WDPCP: variants seen among roughly 807,000 people sequenced by gnomAD.
WDPCP encodes the protein WD repeat containing planar cell polarity effector.
In WDPCP, 71 loss-of-function variants were observed where a neutral mutation model predicts 93.1. That is an observed-to-expected ratio of 0.76 (90% confidence interval 0.63 to 0.93). The LOEUF (loss-of-function observed/expected upper bound fraction) is 0.93. Among genes scored for constraint, WDPCP ranks in the 40% least tolerant of loss-of-function variants. The pLI, the probability that WDPCP is intolerant of heterozygous loss-of-function variation, is 0.00. For synonymous variants in WDPCP, 315 were observed against 315.0 expected (o/e 1.00, Z 0.00); for missense variants, 844 against 887.4 (o/e 0.95, Z 0.62).
chr2:63,247,829 T>C (rs1680409332), intron 14 of WDPCP, among the ~76,000 whole-genome samples: 1 of 152,088 alleles, frequency 6.6e-6, no homozygotes. Context: ...TTTTTACATA[T>C]AGGCTTTTTG....
chr2:63,303,532 G>A (rs1168798996), intron 13 of WDPCP, among the ~76,000 whole-genome samples: 1 of 152,164 alleles, frequency 6.6e-6, no homozygotes, highest in Non-Finnish European at 1.5e-5. Flanking sequence ...TGGGGCTGCA[G>A]TTTCTAAGCT....
chr2:63,266,733 G>C (rs114574299), intron 13 of WDPCP, among the ~76,000 whole-genome samples: 7 of 152,220 alleles, frequency 4.6e-5, no homozygotes, highest in African/African-American at 1.7e-4. Context: ...TTGAACTCGG[G>C]GGGTGGAGGC....
chr2:63,282,972 G>A (rs962041076), intron 13 of WDPCP, among the ~76,000 whole-genome samples: 5 of 151,984 alleles, frequency 3.3e-5, no homozygotes, highest in Non-Finnish European at 7.4e-5. Flanking sequence ...TCAACATAGC[G>A]TTTGGCTTGG....
intron 6 of WDPCP, among the ~76,000 whole-genome samples, chr2:63,482,729 G>A (rs1037771946): frequency 6.6e-6 from 1 of 151,958 alleles, no homozygotes. Context: ...TGTGGGCAGG[G>A]TGGAGGTGAA....
chr2:63,521,580 A>C (rs766582526), intron 1 of WDPCP, among the ~76,000 whole-genome samples: 7 of 152,214 alleles, frequency 4.6e-5, no homozygotes, highest in Non-Finnish European at 7.3e-5. Context: ...TAATACTGGG[A>C]GACTTCAACA....
intron 6 of WDPCP, among the ~76,000 whole-genome samples, chr2:63,467,583 C>T (rs1425389367): frequency 6.6e-6 from 1 of 151,848 alleles, no homozygotes; most frequent in South Asian, 2.1e-4. Flanking sequence ...TCAAGACCAC[C>T]CTGGCCAATA....
At chr2:63,473,426 A>G (rs1370620250) in intron 6 of WDPCP, among the ~76,000 whole-genome samples, 1 of 152,132 alleles carries the variant, frequency 6.6e-6, no homozygotes, top group Non-Finnish European at 1.5e-5. Flanking sequence ...TCTCCCAAAA[A>G]TTATTCCATC....
intron 13 of WDPCP, among the ~76,000 whole-genome samples, chr2:63,305,140 C>T (rs992304143): frequency 8.5e-5 from 13 of 152,270 alleles, no homozygotes; most frequent in Admixed American, 4.6e-4. Context: ...GGACAGAGCA[C>T]CTGGGGGAAA....
rs144301878 is a variant in WDPCP, at chr2:63,738,073, C to G, written n.308+75549G>C. On this transcript the variant is annotated intron_variant and non_coding_transcript_variant, in intron 2 of 4. Transcript: ENST00000467687. ...AGATAACTTGAATGTCTACCTAGTT[C>G]CTAATGTAGCTGGTCTGGAGACATA... Among the ~76,000 whole-genome samples the G allele has an allele frequency of 3.8e-3, 576 of 152,218 alleles. 7 individuals carry two copies. The highest frequency in any genetic ancestry group is 0.014 in the African/African-American group (562 of 41,538).
intron 13 of WDPCP, among the ~76,000 whole-genome samples, chr2:63,279,364 T>C (rs1240082925): frequency 6.6e-6 from 1 of 152,052 alleles, no homozygotes; most frequent in Non-Finnish European, 1.5e-5. Flanking sequence ...AAAAATCACA[T>C]GATCATCTCA....
intron 2 of WDPCP, among the ~76,000 whole-genome samples, chr2:63,491,649 T>G (rs886259317): frequency 6.6e-6 from 1 of 152,222 alleles, no homozygotes; most frequent in African/African-American, 2.4e-5. Flanking sequence ...CGTCTTCTAC[T>G]GCCCCTGGTG....
intron 9 of WDPCP, among the ~76,000 whole-genome samples, chr2:63,426,944 A>G (rs1188339885): frequency 1.3e-5 from 2 of 152,190 alleles, no homozygotes; most frequent in Non-Finnish European, 2.9e-5. Context: ...CACTATTCTT[A>G]CATCAGATAA....
At chr2:63,760,708 G>A (rs1284848090) in intron 2 of WDPCP, among the ~76,000 whole-genome samples, 1 of 152,154 alleles carries the variant, frequency 6.6e-6, no homozygotes. Flanking sequence ...AAGGGCGAAG[G>A]TCTAGGACAA....
intron 9 of WDPCP, among the ~76,000 whole-genome samples, chr2:63,414,496 C>CAT (rs1553382293): frequency 4.0e-5 from 6 of 149,734 alleles, no homozygotes; most frequent in Admixed American, 6.8e-5. Flanking sequence ...CACACACACA[C>CAT]ATATATATAC....
intron 1 of WDPCP, among the ~76,000 whole-genome samples, chr2:63,548,157 G>C (rs529309597): frequency 6.6e-6 from 1 of 151,524 alleles, no homozygotes; most frequent in Non-Finnish European, 1.5e-5. Context: ...GCAAATGTAA[G>C]TATTACATAA....
chr2:63,329,622 TTTCA>T (rs1428920081), intron 12 of WDPCP, among the ~76,000 whole-genome samples: 1 of 152,198 alleles, frequency 6.6e-6, no homozygotes, highest in African/African-American at 2.4e-5. Context: ...TCTCAATTTT[TTTCA>T]TTATTACCCT....
intron 15 of WDPCP, among the ~76,000 whole-genome samples, chr2:63,159,165 C>A (rs1672479995): frequency 1.6e-5 from 2 of 124,392 alleles, no homozygotes; most frequent in Admixed American, 7.9e-5. Context: ...CAAAAAAAAA[C>A]TTTTTTTTTT....
chr2:63,236,151 A>G (rs921745991), intron 14 of WDPCP, among the ~76,000 whole-genome samples: 1 of 152,202 alleles, frequency 6.6e-6, no homozygotes, highest in Non-Finnish European at 1.5e-5. Flanking sequence ...TACAAAATCA[A>G]TGTACAAAAA....
chr2:63,587,714 A>G (rs1285526500), intron 1 of WDPCP, among the ~76,000 whole-genome samples: 1 of 152,260 alleles, frequency 6.6e-6, no homozygotes, highest in Non-Finnish European at 1.5e-5. Flanking sequence ...GAACCTCTTA[A>G]GTTGTTTTAC....
Sources: gnomAD v4.1 joint callset for allele counts (sites outside exome capture counted in the v4.1 genomes callset) on GRCh38, gnomAD v4.1.1 for gene constraint, MANE v1.5 for transcripts, NCBI Gene and HGNC (gene_info 2026-07-23, HGNC 2026-07-21) for gene names.